Variants in PLXDC2 observed in about 807,000 individuals in gnomAD.
PLXDC2 encodes the protein plexin domain containing 2, also known as plexin domain-containing protein 2.
PLXDC2 carries 40 observed loss-of-function variants against 68.9 expected under a neutral mutation model. The observed-to-expected ratio is 0.58, with a 90% confidence interval of 0.45 to 0.76. PLXDC2 has a LOEUF of 0.76. PLXDC2 is among the 30% of genes least tolerant of loss of function. The pLI is 0.00. For synonymous variants in PLXDC2, 243 were observed against 234.2 expected, an observed-to-expected ratio of 1.04 and a Z score of -0.34; for missense variants, 644 against 661.9, an observed-to-expected ratio of 0.97 and a Z score of 0.30.
chr10:20,020,178 A>ATTTTTTTTTTTTTTTTTTTTT lies in PLXDC2; in HGVS notation c.324+18194_324+18214dup, dbSNP rs71388889. On this transcript the variant is annotated intron_variant, in intron 2 of 13. Transcript: ENST00000377252. ...AAACACATGCCACCACACCCAGCAA[A>ATTTTTTTTTTTTTTTTTTTTT]TTTTTTTTTTTTTTTTTTTTTTGTA... 3.7e-5 allele frequency among the ~76,000 whole-genome samples: 4 copies of ATTTTTTTTTTTTTTTTTTTTT among 107,330 alleles called. 1 individual carries two copies. The highest frequency in any genetic ancestry group is 1.2e-4 in the African/African-American group (3 of 24,184). The allele number at this position is 107,330 out of a possible 152,430, so 70.4% of individuals were successfully genotyped here.
intron 1 of PLXDC2, among the ~76,000 whole-genome samples, chr10:19,904,567 C>T (rs10437424): frequency 0.12 from 17,826 of 152,102 alleles, 1,491 homozygotes; most frequent in East Asian, 0.28. Context: ...ACAAGCCTCC[C>T]TGCTGAGAAA....
At chr10:19,828,283 A>T (rs750401707) in intron 1 of PLXDC2, among the ~76,000 whole-genome samples, 8 of 152,246 alleles carry the variant, frequency 5.3e-5, no homozygotes, top group African/African-American at 1.9e-4. Context: ...TAGCTGATTC[A>T]TTTCGATCCC....
intron 12 of PLXDC2, among the ~76,000 whole-genome samples, chr10:20,221,350 T>C (rs1835209876): frequency 6.6e-6 from 1 of 152,190 alleles, no homozygotes; most frequent in African/African-American, 2.4e-5. Context: ...GATTTAAGCA[T>C]AGGATTTTTG....
At position 19,839,475 on chromosome 10, in the gene PLXDC2, G is replaced by C. The variant is rs1430390946; in HGVS notation, c.112+22284G>C. Among the ~76,000 whole-genome samples the C allele has an allele frequency of 2.6e-5, 4 of 152,178 alleles. No individual in the cohort carries two copies. The South Asian group carries it at 6.2e-4, about 24-fold the overall frequency. ...GGAAGCCAAAAGATTGGACACCACT[G>C]AACTAGACTCAGCTCACAGGGGCCT... On this transcript the variant is annotated intron_variant, in intron 1 of 13. Coordinates refer to ENST00000377252, the MANE Select transcript of PLXDC2 (RefSeq NM_032812.9).
intron 4 of PLXDC2, among the ~76,000 whole-genome samples, chr10:20,123,293 G>T (rs1166459701): frequency 6.6e-6 from 1 of 152,058 alleles, no homozygotes; most frequent in Non-Finnish European, 1.5e-5. Context: ...CTTGGGGTTG[G>T]GACTGAGGGG....
intron 1 of PLXDC2, among the ~76,000 whole-genome samples, chr10:19,964,257 A>C (rs562821542): frequency 1.3e-5 from 2 of 152,282 alleles, no homozygotes; most frequent in South Asian, 4.2e-4. Context: ...GCCGGCTCCA[A>C]CTTACCCTTA....
intron 9 of PLXDC2, among the ~76,000 whole-genome samples, chr10:20,206,160 C>T (rs1488747842): frequency 6.6e-6 from 1 of 151,754 alleles, no homozygotes; most frequent in Non-Finnish European, 1.5e-5. Context: ...TATAATATGT[C>T]AACATGCAAT....
At chr10:19,904,933 C>T (rs1309284822) in intron 1 of PLXDC2, among the ~76,000 whole-genome samples, 2 of 152,134 alleles carry the variant, frequency 1.3e-5, no homozygotes, top group Non-Finnish European at 2.9e-5. Context: ...TCCACTTCAC[C>T]TAGTGTCATG....
intron 1 of PLXDC2, among the ~76,000 whole-genome samples, chr10:19,971,446 G>C (rs1834350820): frequency 6.6e-6 from 1 of 152,092 alleles, no homozygotes; most frequent in Admixed American, 6.6e-5. Context: ...AATCGAAGTT[G>C]TTATACCGGA....
At position 19,816,923 on chromosome 10, in the gene PLXDC2, C is replaced by CG; in HGVS notation, c.-155dup. ...ACTCGCGTTCGCTTCTTCCTCTTCT[C>CG]GGTTCCCTACTGTGAAATCGCAGCG... On this transcript the variant is annotated 5_prime_UTR_variant, in exon 1 of 14. Transcript: ENST00000377252. The CG allele has an allele frequency of 1.6e-6, 1 of 610,178 alleles. No individual in the cohort carries two copies. The highest frequency in any genetic ancestry group is 2.9e-6 in the Non-Finnish European group (1 of 345,576). The allele number at this position is 610,178 out of a possible 1,614,324, so 37.8% of individuals were successfully genotyped here.
chr10:19,919,698 C>A (rs1170188785), intron 1 of PLXDC2, among the ~76,000 whole-genome samples: 1 of 152,122 alleles, frequency 6.6e-6, no homozygotes, highest in Non-Finnish European at 1.5e-5. Context: ...GCCCATCAGA[C>A]CTTTGGTTTA....
At chr10:20,258,859 T>C (rs892039044) in intron 13 of PLXDC2, among the ~76,000 whole-genome samples, 9 of 151,732 alleles carry the variant, frequency 5.9e-5, no homozygotes, top group Non-Finnish European at 1.5e-5. Flanking sequence ...ATAGAAAAAA[T>C]TAGCCGGGCG....
intron 1 of PLXDC2, among the ~76,000 whole-genome samples, chr10:19,833,353 G>A (rs746090829): frequency 3.9e-5 from 6 of 152,178 alleles, no homozygotes; most frequent in South Asian, 2.1e-4. Flanking sequence ...TAGAAGTGCC[G>A]ACTGCACCTC....
chr10:20,194,954 A>G (rs1834818175), intron 9 of PLXDC2, among the ~76,000 whole-genome samples: 1 of 151,910 alleles, frequency 6.6e-6, no homozygotes, highest in African/African-American at 2.4e-5. Flanking sequence ...GTAGTCCCCT[A>G]TCAATATCAC....
chr10:19,893,932 G>C (rs527358858), intron 1 of PLXDC2, among the ~76,000 whole-genome samples: 2 of 152,146 alleles, frequency 1.3e-5, no homozygotes, highest in Non-Finnish European at 2.9e-5. Flanking sequence ...ACCAGTTAGG[G>C]GGTCAACCAT....
intron 4 of PLXDC2, among the ~76,000 whole-genome samples, chr10:20,081,407 A>AG (rs1836555241): frequency 8.1e-6 from 1 of 124,046 alleles, no homozygotes; most frequent in South Asian, 3.6e-4. Context: ...TGAAATGCAA[A>AG]GAAAAAAAAT....
intron 2 of PLXDC2, among the ~76,000 whole-genome samples, chr10:20,020,283 G>T (rs1835284844): frequency 6.8e-6 from 1 of 145,998 alleles, no homozygotes; most frequent in Non-Finnish European, 1.5e-5. Flanking sequence ...GCCACCCAAA[G>T]CACCTTTTTA....
chr10:20,089,542 G>A (rs945991673), intron 4 of PLXDC2, among the ~76,000 whole-genome samples: 2 of 152,106 alleles, frequency 1.3e-5, no homozygotes, highest in African/African-American at 4.8e-5. Context: ...ATTAGGAGAA[G>A]GTTAAACTAA....
chr10:19,992,644 T>G (rs1276511338), intron 1 of PLXDC2, among the ~76,000 whole-genome samples: 1 of 152,180 alleles, frequency 6.6e-6, no homozygotes, highest in African/African-American at 2.4e-5. Context: ...CCTCAATTAA[T>G]GCAAAGATTA....
Sources: gnomAD v4.1 joint callset for allele counts (sites outside exome capture counted in the v4.1 genomes callset) on GRCh38, gnomAD v4.1.1 for gene constraint, MANE v1.5 for transcripts, NCBI Gene and HGNC (gene_info 2026-07-23, HGNC 2026-07-21) for gene names.